The following CUX1 variants were observed in gnomAD, a reference collection of about 807,000 sequenced individuals.
The protein encoded by CUX1 is protein CASP.
A neutral mutation model predicts 158.8 loss-of-function variants in CUX1; 31 were observed. The ratio of observed to expected loss-of-function variants is 0.20; its 90% CI spans 0.15 to 0.26. The LOEUF is 0.26. CUX1 is among the 10% of genes least tolerant of loss of function. CUX1 has a pLI of 1.00. For synonymous variants in CUX1, 879 were observed against 862.1 expected (o/e 1.02, Z -0.34); for missense variants, 1,589 against 2,014.6 (o/e 0.79, Z 4.04).
At chr7:102,205,477 C>T (rs1795856833) in intron 20 of CUX1, among the ~76,000 whole-genome samples, 1 of 152,132 alleles carries the variant, frequency 6.6e-6, no homozygotes, top group Admixed American at 6.5e-5. Context: ...GGGGGCTTAC[C>T]GTCTGATAGG....
chr7:101,835,452 T>C (rs1794520121), intron 1 of CUX1, among the ~76,000 whole-genome samples: 1 of 152,248 alleles, frequency 6.6e-6, no homozygotes, highest in South Asian at 2.1e-4. Context: ...ATAACGCTGC[T>C]GTGAACATTC....
intron 4 of CUX1, among the ~76,000 whole-genome samples, chr7:102,071,044 C>T (rs1435285809): frequency 6.6e-6 from 1 of 152,168 alleles, no homozygotes; most frequent in Non-Finnish European, 1.5e-5. Flanking sequence ...CAACCTGCAC[C>T]TCCCGGGCTC....
intron 6 of CUX1, among the ~76,000 whole-genome samples, chr7:102,108,114 G>A (rs1055568393): frequency 6.6e-6 from 1 of 152,174 alleles, no homozygotes; most frequent in Non-Finnish European, 1.5e-5. Context: ...AAATGGGTTA[G>A]TAAAAAGAAC....
At chr7:102,011,997 C>T (rs1818089148) in intron 2 of CUX1, among the ~76,000 whole-genome samples, 3 of 151,352 alleles carry the variant, frequency 2.0e-5, no homozygotes, top group South Asian at 2.1e-4. Flanking sequence ...TTAGTAGAGA[C>T]GGGGTTTCAC....
At chr7:101,853,652 A>G (rs1796515019) in intron 1 of CUX1, among the ~76,000 whole-genome samples, 1 of 149,482 alleles carries the variant, frequency 6.7e-6, no homozygotes, top group South Asian at 2.1e-4. Flanking sequence ...GGTGGCCCCC[A>G]CCGTAAGTAA....
chr7:101,939,054 AATACATATATATATATATATAT>A (rs1455584163), intron 2 of CUX1, among the ~76,000 whole-genome samples: 1 of 92,634 alleles, frequency 1.1e-5, no homozygotes, highest in African/African-American at 4.8e-5. Context: ...AAAAAAAAAA[AATACATATATATATATATATAT>A]ATATATATAT....
chr7:101,931,766 G>A (rs1489730743), intron 2 of CUX1, among the ~76,000 whole-genome samples: 1 of 152,150 alleles, frequency 6.6e-6, no homozygotes, highest in Non-Finnish European at 1.5e-5. Flanking sequence ...TTCTCACTAT[G>A]TTACGCACGC....
intron 2 of CUX1, among the ~76,000 whole-genome samples, chr7:101,963,724 C>G (rs2129179687): frequency 6.6e-6 from 1 of 152,308 alleles, no homozygotes; most frequent in Admixed American, 6.5e-5. Context: ...GTAATCATGG[C>G]TCACTGCAGC....
intron 2 of CUX1, among the ~76,000 whole-genome samples, chr7:101,994,296 C>G (rs1815530271): frequency 6.6e-6 from 1 of 152,172 alleles, no homozygotes; most frequent in African/African-American, 2.4e-5. Flanking sequence ...CTTTGCACAC[C>G]TTTAACTAGA....
chr7:102,015,433 G>A (rs1818476634), intron 2 of CUX1, among the ~76,000 whole-genome samples: 1 of 152,084 alleles, frequency 6.6e-6, no homozygotes, highest in Non-Finnish European at 1.5e-5. Context: ...TCACTGTGTT[G>A]GCCAGGCTGG....
At chr7:102,144,488 G>A (rs1834816636) in intron 8 of CUX1, among the ~76,000 whole-genome samples, 1 of 151,798 alleles carries the variant, frequency 6.6e-6, no homozygotes, top group Non-Finnish European at 1.5e-5. Flanking sequence ...CTCACAATAA[G>A]GACTTTCTTT....
At chr7:102,282,831 C>T in intron 22 of CUX1, 2 of 1,365,040 alleles carry the variant, frequency 1.5e-6, no homozygotes, top group Non-Finnish European at 2.0e-6. Flanking sequence ...CCCAGCACCC[C>T]CGCAACACCC....
chr7:101,907,515 A>T (rs575439625), intron 1 of CUX1, among the ~76,000 whole-genome samples: 17 of 151,994 alleles, frequency 1.1e-4, no homozygotes, highest in Admixed American at 7.9e-4. Flanking sequence ...CACCCGGCTA[A>T]TTTTTGTATT....
At chr7:102,075,850 G>A (rs539990236) in intron 4 of CUX1, among the ~76,000 whole-genome samples, 35 of 152,244 alleles carry the variant, frequency 2.3e-4, no homozygotes, top group African/African-American at 8.2e-4. Flanking sequence ...CTTAGCATTC[G>A]GAGTTGCCCA....
chr7:101,942,990 C>G (rs1807894095), intron 2 of CUX1, among the ~76,000 whole-genome samples: 1 of 150,816 alleles, frequency 6.6e-6, no homozygotes, highest in South Asian at 2.1e-4. Context: ...TGATTAATAA[C>G]TGAGACCACA....
Position 102,162,117 on chromosome 7 carries a change from C to T in CUX1, c.723+3509C>T, listed in dbSNP as rs1371324564. Among the ~76,000 whole-genome samples, 4 of 151,522 alleles carry T rather than the reference C, an allele frequency of 2.6e-5. No individual in the cohort carries two copies. In the East Asian group the frequency reaches 5.8e-4, roughly 22 times the overall value. On this transcript the variant is annotated intron_variant, in intron 9 of 23. Coordinates refer to ENST00000292535, the MANE Select transcript of CUX1 (RefSeq NM_181552.4). Reference sequence around the variant, plus strand: ...GAGGAATAATTTCAGGAATCTGGGACGCGAAAAGATAAGGGGGAAGGGTCA... The same window carrying T: ...GAGGAATAATTTCAGGAATCTGGGATGCGAAAAGATAAGGGGGAAGGGTCA...
At position 102,274,429 on chromosome 7, in the gene CUX1, A is replaced by G. The variant is rs1791452187; in HGVS notation, c.1450+119A>G. On this transcript the variant is annotated intron_variant, in intron 16 of 22. Coordinates refer to the CUX1 transcript ENST00000292538. Reference sequence around the variant, plus strand: ...CTTCCTCTAAGAAGGTCAGGCCCCCACGCCTGCAATGCAGCAGCAACCTTC... The same window carrying G: ...CTTCCTCTAAGAAGGTCAGGCCCCCGCGCCTGCAATGCAGCAGCAACCTTC... 7.4e-6 allele frequency: 6 copies of G among 809,782 alleles called. No individual in the cohort carries two copies. In the South Asian group the frequency reaches 8.2e-5, roughly 11 times the overall value. The allele number at this position is 809,782 out of a possible 1,614,324, so 50.2% of individuals were successfully genotyped here.
chr7:101,832,267 T>C (rs1584689655), intron 1 of CUX1, among the ~76,000 whole-genome samples: 1 of 151,086 alleles, frequency 6.6e-6, no homozygotes, highest in South Asian at 2.1e-4. Flanking sequence ...CACTGAGGGG[T>C]GATGGGAGAG....
At chr7:101,989,513 G>A (rs977275164) in intron 2 of CUX1, among the ~76,000 whole-genome samples, 2 of 152,180 alleles carry the variant, frequency 1.3e-5, no homozygotes, top group South Asian at 2.1e-4. Flanking sequence ...AAACCCGAGT[G>A]GAGCGTTCTG....
Sources: allele counts gnomAD v4.1 joint callset (sites outside exome capture counted in the v4.1 genomes callset), GRCh38; gene constraint gnomAD v4.1.1; transcripts MANE v1.5; gene names NCBI Gene and HGNC (gene_info 2026-07-23, HGNC 2026-07-21).